Variants in FER observed in about 807,000 individuals in gnomAD.
The protein encoded by FER is tyrosine-protein kinase Fer.
Under a neutral mutation model 111.0 loss-of-function variants are expected in FER, and 63 were observed. The observed-to-expected ratio is 0.57, with a 90% CI of 0.46 to 0.70. The LOEUF (loss-of-function observed/expected upper bound fraction) is 0.70. Among genes scored for constraint, FER ranks in the 30% least tolerant of loss-of-function variants. The probability of loss-of-function intolerance (pLI) is 0.00; values close to 1 mark genes in which losing one functional copy is unlikely to be tolerated. For synonymous variants in FER, 327 were observed against 313.9 expected, an observed-to-expected ratio of 1.04 and a Z score of -0.44; for missense variants, 914 against 954.0, an observed-to-expected ratio of 0.96 and a Z score of 0.55.
intron 13 of FER, among the ~76,000 whole-genome samples, chr5:108,991,092 A>G (rs934556980): frequency 1.3e-5 from 2 of 151,612 alleles, no homozygotes; most frequent in African/African-American, 4.8e-5. Context: ...AAACAGGGGT[A>G]CTTTTATTTG....
intron 16 of FER, among the ~76,000 whole-genome samples, chr5:109,065,004 T>C (rs745390228): frequency 2.0e-5 from 3 of 152,182 alleles, no homozygotes; most frequent in African/African-American, 4.8e-5. Context: ...AGTCTACTTA[T>C]ATTTGATGCA....
chr5:108,858,914 T>C (rs952066123), intron 5 of FER, among the ~76,000 whole-genome samples: 3 of 152,078 alleles, frequency 2.0e-5, no homozygotes, highest in Non-Finnish European at 4.4e-5. Context: ...TAATTATATG[T>C]ACTCCTACTA....
At chr5:109,054,274 C>A (rs1229833410) in intron 16 of FER, among the ~76,000 whole-genome samples, 1 of 152,158 alleles carries the variant, frequency 6.6e-6, no homozygotes, top group Admixed American at 6.5e-5. Flanking sequence ...AGTTTCAGTT[C>A]CTCCCCATCG....
At chr5:108,895,616 T>C (rs1167565941) in intron 9 of FER, among the ~76,000 whole-genome samples, 1 of 152,192 alleles carries the variant, frequency 6.6e-6, no homozygotes, top group Non-Finnish European at 1.5e-5. Context: ...CTTGTAAGTA[T>C]TCTTATGATT....
intron 16 of FER, among the ~76,000 whole-genome samples, chr5:109,072,053 C>T (rs1472690544): frequency 2.0e-5 from 3 of 151,190 alleles, no homozygotes; most frequent in South Asian, 2.1e-4. Context: ...ATTTTAGGTT[C>T]ACATTTTTCT....
chr5:108,757,167 A>G (rs553811785), intron 1 of FER, among the ~76,000 whole-genome samples: 3 of 152,352 alleles, frequency 2.0e-5, no homozygotes, highest in African/African-American at 7.2e-5. Context: ...CCTGGATTTA[A>G]TAGAAGTTTC....
chr5:108,794,524 G>GCCCCCCCCCCCCCCCCCCCCCCC (rs1415651696), intron 2 of FER, among the ~76,000 whole-genome samples: 2 of 53,704 alleles, frequency 3.7e-5, no homozygotes, highest in African/African-American at 1.6e-4. Flanking sequence ...TGCCCCCTCC[G>GCCCCCCCCCCCCCCCCCCCCCCC]CACCCCCCCC....
intron 13 of FER, among the ~76,000 whole-genome samples, chr5:108,975,858 A>G (rs1453245542): frequency 6.6e-6 from 1 of 152,212 alleles, no homozygotes; most frequent in African/African-American, 2.4e-5. Context: ...GATTACCTTC[A>G]GGTTTATAAT....
intron 14 of FER, among the ~76,000 whole-genome samples, chr5:109,042,635 A>C (rs1465744341): frequency 6.6e-6 from 1 of 152,228 alleles, no homozygotes; most frequent in African/African-American, 2.4e-5. Context: ...AGAAACCATT[A>C]GAAAGACACA....
intron 5 of FER, among the ~76,000 whole-genome samples, chr5:108,844,994 GTGTATATATATATATATATATA>G (rs1761752526): frequency 4.7e-5 from 2 of 42,636 alleles, no homozygotes; most frequent in Admixed American, 3.0e-4. Flanking sequence ...GTGTGTGTGT[GTGTATATATATATATATATATA>G]TATATATATA....
At chr5:109,161,479 G>A (rs1376350264) in intron 17 of FER, among the ~76,000 whole-genome samples, 1 of 151,860 alleles carries the variant, frequency 6.6e-6, no homozygotes, top group Non-Finnish European at 1.5e-5. Context: ...TGTTCTCATC[G>A]TTTAGCTCCC....
Position 108,923,350 on chromosome 5 carries a change from T to G in FER, c.1237-22780T>G, listed in dbSNP as rs1328743860. On this transcript the variant is annotated intron_variant, in intron 10 of 19. Transcript: ENST00000281092. ...CAAAAAGGCAAGAAAATTAAAAAAT[T>G]TTTTTTTGATTGCATCTAATTATAA... Among the ~76,000 whole-genome samples, 7 of 151,738 alleles carry G rather than the reference T, an allele frequency of 4.6e-5. No individual in the cohort carries two copies. In the South Asian group the frequency reaches 6.2e-4, roughly 14 times the overall value.
intron 10 of FER, among the ~76,000 whole-genome samples, chr5:108,935,546 C>T (rs139406503): frequency 3.7e-4 from 56 of 152,080 alleles, no homozygotes; most frequent in Admixed American, 2.0e-3. Flanking sequence ...GAGTGGGGTG[C>T]GGGGAGGTGG....
intron 17 of FER, among the ~76,000 whole-genome samples, chr5:109,113,947 G>C (rs1266658346): frequency 6.6e-6 from 1 of 152,056 alleles, no homozygotes; most frequent in Non-Finnish European, 1.5e-5. Context: ...GATGAAACAA[G>C]ATTAAAAAAA....
chr5:108,815,658 A>C (rs1758198057), intron 3 of FER, among the ~76,000 whole-genome samples: 1 of 152,200 alleles, frequency 6.6e-6, no homozygotes, highest in South Asian at 2.1e-4. Context: ...TACTATCTTC[A>C]AATGATGCAA....
At chr5:108,974,333 G>A (rs1178057855) in intron 13 of FER, among the ~76,000 whole-genome samples, 1 of 152,194 alleles carries the variant, frequency 6.6e-6, no homozygotes, top group Non-Finnish European at 1.5e-5. Context: ...AAGGTGGGCT[G>A]AGTTGTGAAG....
At chr5:108,944,005 A>G (rs1756630064) in intron 10 of FER, among the ~76,000 whole-genome samples, 1 of 152,086 alleles carries the variant, frequency 6.6e-6, no homozygotes, top group Non-Finnish European at 1.5e-5. Context: ...AAGTGCTGGA[A>G]TTACAGGCAT....
At chr5:108,775,288 A>T (rs1753367736) in intron 2 of FER, among the ~76,000 whole-genome samples, 1 of 152,084 alleles carries the variant, frequency 6.6e-6, no homozygotes, top group African/African-American at 2.4e-5. Flanking sequence ...ATGAATTTTG[A>T]ATGAATTAAT....
At chr5:108,823,889 C>G (rs1296195161) in intron 3 of FER, among the ~76,000 whole-genome samples, 4 of 151,974 alleles carry the variant, frequency 2.6e-5, no homozygotes, top group Admixed American at 6.6e-5. Context: ...ATTTTTTCTT[C>G]TAGGAGTTTT....
Sources: gnomAD v4.1 joint callset for allele counts (sites outside exome capture counted in the v4.1 genomes callset) on GRCh38, gnomAD v4.1.1 for gene constraint, MANE v1.5 for transcripts, NCBI Gene and HGNC (gene_info 2026-07-23, HGNC 2026-07-21) for gene names.